C1QTNF5: variants seen among roughly 807,000 people sequenced by gnomAD.
C1QTNF5 encodes C1q and TNF related 5.
In C1QTNF5, 5 loss-of-function variants were observed where a neutral mutation model predicts 10.9. The observed-to-expected ratio is 0.46, with a 90% CI of 0.24 to 0.97. The LOEUF is 0.97. C1QTNF5 is among the 50% of genes least tolerant of loss of function. The probability of loss-of-function intolerance (pLI) is 0.19; values close to 1 mark genes in which losing one functional copy is unlikely to be tolerated. For synonymous variants in C1QTNF5, 161 were observed against 156.5 expected (o/e 1.03, Z -0.22); for missense variants, 281 against 339.4 (o/e 0.83, Z 1.35).
chr11:119,342,743 G>A (rs560280998), upstream of C1QTNF5: 5 of 1,613,404 alleles, frequency 3.1e-6, no homozygotes, highest in South Asian at 4.4e-5. Flanking sequence ...GGCACAAGGG[G>A]CATGGCAGTG....
upstream of C1QTNF5, chr11:119,342,591 C>G (rs1301814007): frequency 1.9e-6 from 3 of 1,612,870 alleles, no homozygotes; most frequent in Non-Finnish European, 2.5e-6. Flanking sequence ...GGGCAGGCTT[C>G]TCACCTGGGG....
chr11:119,344,410 G>A (rs1183341660), upstream of C1QTNF5: 1 of 1,610,540 alleles, frequency 6.2e-7, no homozygotes, highest in Non-Finnish European at 8.5e-7. Context: ...AGGTGGAAGG[G>A]CTCATGAGTT....
At chr11:119,344,596 A>G (rs1565294639), upstream of C1QTNF5, 2 of 1,613,646 alleles carry the variant, frequency 1.2e-6, no homozygotes, top group Admixed American at 1.7e-5. Flanking sequence ...CCCAGATCAG[A>G]CGCCTGAAGA....
At chr11:119,343,320 G>T (rs1950522072), upstream of C1QTNF5, among the ~76,000 whole-genome samples, 2 of 152,204 alleles carry the variant, frequency 1.3e-5, no homozygotes, top group Admixed American at 6.5e-5. Flanking sequence ...AAACCAGCCT[G>T]GGCGATATAG....
the C1QTNF5 span, chr11:119,346,406 C>G: frequency 6.2e-7 from 1 of 1,613,262 alleles, no homozygotes; most frequent in Non-Finnish European, 8.5e-7. Flanking sequence ...GGGCTGAGGG[C>G]AGCAGTGACC....
chr11:119,344,069 G>T, upstream of C1QTNF5: 1 of 1,450,236 alleles, frequency 6.9e-7, no homozygotes, highest in South Asian at 1.2e-5. Context: ...GGATGGGGTG[G>T]TGCTTTCATC....
chr11:119,340,284 C>A lies in C1QTNF5; in HGVS notation c.114G>T (p.Pro38=). 2 of 1,530,974 alleles carry A rather than the reference C, an allele frequency of 1.3e-6. No homozygotes were observed. The highest frequency in any genetic ancestry group is 1.8e-6 in the Non-Finnish European group (2 of 1,140,668). 94.8% of individuals were successfully genotyped at this position (1,530,974 alleles called of 1,614,324 possible). ...GCAAGCCCTGGCTGCCATGGTGGCC[C>A]GGCGTGCCTGGAAGGCCGGGGTGCC... ...CPGHPGLPGT[P]GHHGSQGLPG... The change falls in exon 2 of 3, where the codon CCG becomes CCT. Residue 38 remains proline, a synonymous_variant. Transcript: ENST00000528368.
At chr11:119,344,039 T>C, upstream of C1QTNF5, 1 of 1,586,286 alleles carries the variant, frequency 6.3e-7, no homozygotes, top group African/African-American at 1.3e-5. Context: ...AGGGTCTTCT[T>C]CCCCCACTGC....
At position 119,340,199 on chromosome 11, in the gene C1QTNF5, C is replaced by T. The variant is rs775558904; in HGVS notation, c.199G>A (p.Glu67Lys). 21 of 1,516,344 alleles carry T rather than the reference C, an allele frequency of 1.4e-5. No homozygotes were observed. The highest frequency in any genetic ancestry group is 1.7e-5 in the Non-Finnish European group (19 of 1,134,948). The allele number at this position is 1,516,344 out of a possible 1,614,324, so 93.9% of individuals were successfully genotyped here. A position where few individuals can be genotyped will look rare whatever the true frequency, so the allele number is the denominator to read the frequency against. Residue 67 changes from glutamate to lysine, a missense_variant, in exon 2 of 3, where the codon GAG (glutamate) becomes AAG (lysine). Glu to Lys is a moderately conservative substitution (Grantham distance 56). Transcript: ENST00000528368. ...GCCTTCTTACCCGGCCTCCCGCCCT[C>T]GCCTTTCTCTCCCGGAGCCCCGGGC... ...GAPGAPGEKG[E>K]GGRPGLPGPR... is the part of the protein sequence containing the mutation.
At position 119,339,987 on chromosome 11, in the gene C1QTNF5, C is replaced by T. The variant is rs1414652828; in HGVS notation, c.215-139G>A. On this transcript the variant is annotated intron_variant, in intron 2 of 2. Coordinates refer to ENST00000528368, the MANE Select transcript of C1QTNF5 (RefSeq NM_001278431.2). This position sits in a 1 kb window ranked among gnomAD's most constrained non-coding sequence, Gnocchi z 5.4. ...CCTCCTCCCGCACGGGTACCTCCTC[C>T]ACCCCTTCCCGCAGGGCAGATCTGG... 18 of 1,306,268 alleles carry T rather than the reference C, an allele frequency of 1.4e-5. No homozygotes were observed. Among genetic ancestry groups the T allele is most frequent in the Middle Eastern group, 2.8e-4 (1 of 3,628 alleles). 80.9% of individuals were successfully genotyped at this position (1,306,268 alleles called of 1,614,324 possible).
chr11:119,342,918 T>G, upstream of C1QTNF5: 2 of 1,613,028 alleles, frequency 1.2e-6, no homozygotes, highest in South Asian at 1.1e-5. Context: ...AAGCCTCCAC[T>G]GCTGATGCCA....
Position 119,340,267 on chromosome 11 carries a change from T to C in C1QTNF5, c.131A>G (p.Gln44Arg), listed in dbSNP as rs11538245. ...LPGTPGHHGS[Q>R]GLPGRDGRDG... The stretch of plus-strand genomic sequence containing the variant: ...GCGGCCATCGCGGCCCGGCAAGCCC[T>C]GGCTGCCATGGTGGCCCGGCGTGCC... The change falls in exon 2 of 3, where the codon CAG becomes CGG. Residue 44 changes from glutamine to arginine, a missense_variant. Transcript: ENST00000528368. 1.3e-6 allele frequency: 2 copies of C among 1,526,592 alleles called. No homozygotes were observed. The highest frequency in any genetic ancestry group is 1.8e-6 in the Non-Finnish European group (2 of 1,139,076). The allele number at this position is 1,526,592 out of a possible 1,614,324, so 94.6% of individuals were successfully genotyped here.
rs1950471151 is a variant in C1QTNF5 at position 119,339,282 on chromosome 11, C to T, written c.*49G>A. ...TCCTGGATGACCTGGTTGTCAGCCTCACACCCTCCTTCTAGGAGTGAGAGC... is the reference window on the plus strand; with the variant it reads ...TCCTGGATGACCTGGTTGTCAGCCTTACACCCTCCTTCTAGGAGTGAGAGC... On this transcript the variant is annotated 3_prime_UTR_variant, in exon 3 of 3. Coordinates refer to ENST00000528368, the MANE Select transcript of C1QTNF5 (RefSeq NM_001278431.2). The surrounding 1 kb of genome is among the most constrained non-coding windows in gnomAD (Gnocchi z 5.4). 1 of 1,585,726 alleles carries T rather than the reference C, an allele frequency of 6.3e-7. No individual in the cohort carries two copies. Among genetic ancestry groups the T allele is most frequent in the Non-Finnish European group, 8.6e-7 (1 of 1,164,012 alleles).
chr11:119,344,321 GT>G, upstream of C1QTNF5: 1 of 1,614,000 alleles, frequency 6.2e-7, no homozygotes, highest in Non-Finnish European at 8.5e-7. Flanking sequence ...TTACCAGTTG[GT>G]GAGGGTACTG....
Position 119,339,100 on chromosome 11 carries a change from G to C in C1QTNF5, c.*231C>G. ...TGGGGGACTTACACTTGCCAGCACAGCACACTCCTCTGGTCTTGGGCAGAA... is the reference window on the plus strand; with the variant it reads ...TGGGGGACTTACACTTGCCAGCACACCACACTCCTCTGGTCTTGGGCAGAA... On this transcript the variant is annotated 3_prime_UTR_variant, in exon 3 of 3. Coordinates refer to ENST00000528368, the MANE Select transcript of C1QTNF5 (RefSeq NM_001278431.2). The surrounding 1 kb of genome is among the most constrained non-coding windows in gnomAD (Gnocchi z 5.4). The C allele has an allele frequency of 1.8e-6, 1 of 569,574 alleles. No homozygotes were observed. Among genetic ancestry groups the C allele is most frequent in the East Asian group, 2.9e-5 (1 of 34,486 alleles). 35.3% of individuals were successfully genotyped at this position (569,574 alleles called of 1,614,324 possible). A position where few individuals can be genotyped will look rare whatever the true frequency, so the allele number is the denominator to read the frequency against.
chr11:119,345,660 A>T, upstream of C1QTNF5: 6 of 1,613,014 alleles, frequency 3.7e-6, no homozygotes, highest in African/African-American at 2.7e-5. Flanking sequence ...TAGAGTTCAG[A>T]GGTCAAAAGG....
chr11:119,344,833 A>G, upstream of C1QTNF5: 1 of 1,613,388 alleles, frequency 6.2e-7, no homozygotes, highest in Non-Finnish European at 8.5e-7. Context: ...GGTGGAGGGG[A>G]AGAAAGTGGA....
chr11:119,339,719 AC>A lies in C1QTNF5; in HGVS notation c.343del (p.Val115CysfsTer16). 1.2e-6 allele frequency: 2 copies of A among 1,602,236 alleles called. No individual in the cohort carries two copies. The highest frequency in any genetic ancestry group is 1.7e-6 in the Non-Finnish European group (2 of 1,178,540). ...CAAGGGTGCGTCAGACGGCGGAGGC[AC>A]CCGGCTCTCGGAGCGCTTGGCGCTG... ...AFSAKRSESR[V>X]PPPSDAPLPF... On this transcript the variant is annotated frameshift_variant, in exon 3 of 3. Coordinates refer to ENST00000528368, the MANE Select transcript of C1QTNF5 (RefSeq NM_001278431.2). LOFTEE classifies it low-confidence loss of function (END_TRUNC). The surrounding 1 kb of genome is among the most constrained non-coding windows in gnomAD (Gnocchi z 5.4).
chr11:119,346,387 G>A, the C1QTNF5 span: 1 of 1,612,602 alleles, frequency 6.2e-7, no homozygotes. Context: ...GGAAGGGGGA[G>A]ATACTTGAGG....
Sources: allele counts gnomAD v4.1 joint callset (sites outside exome capture counted in the v4.1 genomes callset), GRCh38; gene constraint gnomAD v4.1.1; non-coding constraint Gnocchi (gnomAD v3.1); transcripts MANE v1.5; gene names NCBI Gene and HGNC (gene_info 2026-07-23, HGNC 2026-07-21).